The following MYO15B variants were observed in gnomAD, a reference collection of about 807,000 sequenced individuals.
The protein encoded by MYO15B is myosin XVB pseudogene.
MYO15B carries 207 observed loss-of-function variants against 119.3 expected under a neutral mutation model. The observed-to-expected ratio is 1.73, with a 90% CI of 1.55 to 1.95. MYO15B has a LOEUF of 1.95. Ranked by LOEUF, MYO15B falls within the 30% of genes most tolerant of loss-of-function variation. The pLI is 0.00. For synonymous variants in MYO15B, 966 were observed against 498.9 expected (o/e 1.94, Z -12.48); for missense variants, 2,264 against 1,203.1 (o/e 1.88, Z -13.04).
intron 15 of MYO15B, 90 bp downstream of exon 15, chr17:75,601,653 G>A (rs1449699233): frequency 6.1e-6 from 4 of 655,804 alleles, no homozygotes; most frequent in Non-Finnish European, 1.1e-5. Flanking sequence ...AGGAGTGGGT[G>A]TGGGGAGGCC....
At chr17:75,609,640 TCTCCCTC>T (rs1326241070) in intron 21 of MYO15B, among the ~76,000 whole-genome samples, 1 of 149,996 alleles carries the variant, frequency 6.7e-6, no homozygotes, top group African/African-American at 2.5e-5. Context: ...TTCCTCCCTC[TCTCCCTC>T]CTCCCTCCTC....
chr17:75,595,921 C>G (rs931145646), intron 12 of MYO15B, among the ~76,000 whole-genome samples: 3 of 152,220 alleles, frequency 2.0e-5, no homozygotes, highest in African/African-American at 7.2e-5. Context: ...ATTCATGGCC[C>G]CCTGTTCTGT....
In MYO15B at chr17:75,589,253, G is replaced by C. The variant is rs2056265708; in HGVS notation, c.1196G>C (p.Gly399Ala). 2 of 398,846 alleles carry C rather than the reference G, an allele frequency of 5.0e-6. No homozygotes were observed. The highest frequency in any genetic ancestry group is 1.3e-4 in the South Asian group (1 of 7,964). 24.7% of individuals were successfully genotyped at this position (398,846 alleles called of 1,614,324 possible). A position where few individuals can be genotyped will look rare whatever the true frequency, so the allele number is the denominator to read the frequency against. ...CCAGAGGGCGAGGGGCAGGGTACCG[G>C]GCCACGGGCGAGCGAGGGGTGGGGC... The change falls in exon 1 of 64, where the codon GGG (glycine) becomes GCG (alanine). Residue 399 changes from glycine to alanine, a missense_variant. Physicochemically the swap from Gly to Ala is moderately conservative, Grantham distance 60. Coordinates refer to ENST00000645453, the Ensembl canonical transcript of MYO15B. This position sits in a 1 kb window ranked among gnomAD's most constrained non-coding sequence, Gnocchi z 4.2.
exon 3 of MYO15B, chr17:75,591,010 C>T: frequency 1.6e-6 from 1 of 609,790 alleles, no homozygotes; most frequent in Non-Finnish European, 3.0e-6. Flanking sequence ...GCCCTCAGCA[C>T]CACTCCGTAT....
exon 42 of MYO15B, chr17:75,617,894 C>T (rs548408461): frequency 5.5e-5 from 39 of 702,898 alleles, no homozygotes; most frequent in South Asian, 2.2e-4. Context: ...TACACCGGCA[C>T]GCCCTGGAAG....
intron 21 of MYO15B, among the ~76,000 whole-genome samples, chr17:75,606,444 A>G (rs1424753494): frequency 6.7e-6 from 1 of 148,896 alleles, no homozygotes; most frequent in Admixed American, 6.7e-5. Context: ...CCTCCCGAGT[A>G]GCTGGGATTA....
chr17:75,590,276 C>T (rs2056350317), intron 1 of MYO15B, 33 bp downstream of exon 1: 1 of 399,128 alleles, frequency 2.5e-6, no homozygotes, highest in East Asian at 3.6e-5. Context: ...CTGCCATCCC[C>T]GGCTCACAGC....
At chr17:75,600,347 C>T (rs556776443) in intron 14 of MYO15B, among the ~76,000 whole-genome samples, 16 of 150,422 alleles carry the variant, frequency 1.1e-4, no homozygotes, top group Admixed American at 4.6e-4. Flanking sequence ...CTTTGAAAGA[C>T]CTGTTTAAAA....
chr17:75,590,522 G>T, intron 1 of MYO15B, 104 bp from the exon 2 acceptor site: 1 of 360,056 alleles, frequency 2.8e-6, no homozygotes, highest in Non-Finnish European at 4.9e-6. Context: ...ATCAGGCTCT[G>T]GGAAGTTGAA....
At chr17:75,597,056 C>T (rs888688819) in intron 14 of MYO15B, among the ~76,000 whole-genome samples, 157 bp downstream of exon 14, 4 of 152,148 alleles carry the variant, frequency 2.6e-5, no homozygotes, top group Admixed American at 1.3e-4. Context: ...ACAGCAGCAG[C>T]GAAGGGGAAG....
chr17:75,589,910 G>C lies in MYO15B; in HGVS notation c.1853G>C (p.Ser618Thr), dbSNP rs982739623. ...CCCGACGGGCCTTCCCTCGACGAGA[G>C]CGGCTCCAGCAGTGAGGCGGAGTTG... The change falls in exon 1 of 64, where the codon AGC (serine) becomes ACC (threonine). Residue 618 changes from serine (S) to threonine (T), a missense_variant. By Grantham distance (58) the Ser-to-Thr change is moderately conservative (BLOSUM62 1). Transcript: ENST00000645453. This position sits in a 1 kb window ranked among gnomAD's most constrained non-coding sequence, Gnocchi z 4.2. 43 of 398,590 alleles carry C rather than the reference G, an allele frequency of 1.1e-4. No individual in the cohort carries two copies. Among genetic ancestry groups the C allele is most frequent in the Non-Finnish European group, 1.8e-4 (40 of 226,050 alleles). 24.7% of individuals were successfully genotyped at this position (398,590 alleles called of 1,614,324 possible).
intron 45 of MYO15B, 63 bp downstream of exon 45, chr17:75,619,539 G>A (rs2058577302): frequency 1.5e-6 from 1 of 689,554 alleles, no homozygotes. Flanking sequence ...TGGGGTGCAT[G>A]GGCACAGACC....
At position 75,625,132 on chromosome 17, in the gene MYO15B, G is replaced by T. The variant is rs776884708; in HGVS notation, c.8698G>T (p.Asp2900Tyr). 4.3e-6 allele frequency: 3 copies of T among 698,234 alleles called. No homozygotes were observed. The African/African-American group carries it at 5.2e-5, about 12-fold the overall frequency. 43.3% of individuals were successfully genotyped at this position (698,234 alleles called of 1,614,324 possible). The change falls in exon 60 of 64, where the codon GAC becomes TAC. Residue 2900 changes from aspartate (D) to tyrosine (Y), a missense_variant. Transcript: ENST00000645453. ...CGTGCTCCCCGCACAGGTGCTGTGG[G>T]ACTACCTTCAGGGGAAGCTGCCAGT...
At chr17:75,615,916 T>C (rs1297380830) in intron 36 of MYO15B, 32 bp downstream of exon 36, 9 of 638,486 alleles carry the variant, frequency 1.4e-5, no homozygotes, top group Admixed American at 2.4e-5. Flanking sequence ...CAGGAAGGGA[T>C]GTGAGGGTGG....
intron 14 of MYO15B, 72 bp from the exon 15 acceptor site, chr17:75,601,366 A>G (rs2057271401): frequency 1.5e-6 from 1 of 686,414 alleles, no homozygotes; most frequent in Non-Finnish European, 2.7e-6. Context: ...ACTCGTGCTC[A>G]CCGGGAGAGG....
At chr17:75,596,590 C>T in intron 13 of MYO15B, 35 bp downstream of exon 13, 1 of 702,256 alleles carries the variant, frequency 1.4e-6, no homozygotes. Flanking sequence ...GCAGGGGCCG[C>T]TCAGGCATTG....
chr17:75,623,082 A>C (rs941244069), intron 53 of MYO15B, among the ~76,000 whole-genome samples: 1 of 152,262 alleles, frequency 6.6e-6, no homozygotes, highest in African/African-American at 2.4e-5. Context: ...CTGTAACCCC[A>C]GCACTTTGGG....
intron 21 of MYO15B, 151 bp downstream of exon 21, chr17:75,606,172 G>A (rs772856605): frequency 1.1e-5 from 6 of 566,188 alleles, no homozygotes; most frequent in African/African-American, 1.9e-5. Context: ...TCTCCTTGAC[G>A]GCATTACCCC....
intron 53 of MYO15B, among the ~76,000 whole-genome samples, chr17:75,622,299 G>C (rs2058754412): frequency 6.6e-6 from 1 of 152,262 alleles, no homozygotes; most frequent in African/African-American, 2.4e-5. Context: ...GGTCACTGGA[G>C]AGTAAGAATG....
Sources: allele counts gnomAD v4.1 joint callset (sites outside exome capture counted in the v4.1 genomes callset), GRCh38; gene constraint gnomAD v4.1.1; non-coding constraint Gnocchi (gnomAD v3.1); transcripts MANE v1.5; gene names NCBI Gene and HGNC (gene_info 2026-07-23, HGNC 2026-07-21).